The following GRID2IP variants were observed in gnomAD, a reference collection of about 807,000 sequenced individuals.
GRID2IP encodes the protein Grid2 interacting protein, also known as delphilin.
In GRID2IP, 78 loss-of-function variants were observed where a neutral mutation model predicts 114.3. The observed-to-expected ratio is 0.68, with a 90% CI of 0.57 to 0.82. GRID2IP has a LOEUF of 0.82. GRID2IP is among the 40% of genes least tolerant of loss of function. The probability of loss-of-function intolerance (pLI) is 0.00; values close to 1 mark genes in which losing one functional copy is unlikely to be tolerated. For missense variants in GRID2IP, 1,727 were observed against 1,678.5 expected, an observed-to-expected ratio of 1.03 and a Z score of -0.51; for synonymous variants, 809 against 724.0, an observed-to-expected ratio of 1.12 and a Z score of -1.89.
Position 6,519,092 on chromosome 7 carries a change from CT to C in GRID2IP, c.1268+1485del, listed in dbSNP as rs1583343497. Among the ~76,000 whole-genome samples, 1 of 151,788 alleles carries C rather than the reference CT, an allele frequency of 6.6e-6. No individual in the cohort carries two copies. Among genetic ancestry groups the C allele is most frequent in the East Asian group, 2.0e-4 (1 of 5,126 alleles). On this transcript the variant is annotated intron_variant, in intron 7 of 21. Coordinates refer to ENST00000457091, the MANE Select transcript of GRID2IP (RefSeq NM_001145118.2). The surrounding 1 kb of genome is among the most constrained non-coding windows in gnomAD (Gnocchi z 4.1). ...CACCACCATGCCCAGCTAATTTTTT[CT>C]TTTTGTAGAGATGGCTTCTTGCTCT...
At chr7:6,546,275 T>C (rs1266258074) in intron 1 of GRID2IP, among the ~76,000 whole-genome samples, 1 of 150,176 alleles carries the variant, frequency 6.7e-6, no homozygotes, top group Non-Finnish European at 1.5e-5. Flanking sequence ...TTGACCAACA[T>C]GGTGAAACCC....
At chr7:6,529,173 G>GGGC (rs1176391673) in intron 2 of GRID2IP, among the ~76,000 whole-genome samples, 6 of 151,412 alleles carry the variant, frequency 4.0e-5, no homozygotes, top group African/African-American at 1.5e-4. Context: ...CCTGTCGTCC[G>GGGC]GGCGCGGTGG....
At chr7:6,542,044 G>C (rs1583354152) in intron 1 of GRID2IP, among the ~76,000 whole-genome samples, 1 of 152,160 alleles carries the variant, frequency 6.6e-6, no homozygotes, top group Non-Finnish European at 1.5e-5. Context: ...GCTCACACCT[G>C]TAATCCCAGC....
In GRID2IP at chr7:6,523,073, G is replaced by A. The variant is rs1052951722; in HGVS notation, c.920-1116C>T. ...CCTGCCTCAGTCTCCCAAAGTGCTGGGATTACAGGTGTGAGCCACCACGTA... is the reference window on the plus strand; with the variant it reads ...CCTGCCTCAGTCTCCCAAAGTGCTGAGATTACAGGTGTGAGCCACCACGTA... On this transcript the variant is annotated intron_variant, in intron 4 of 21. Transcript: ENST00000457091. The surrounding 1 kb of genome is among the most constrained non-coding windows in gnomAD (Gnocchi z 4.5). 3.3e-5 allele frequency among the ~76,000 whole-genome samples: 5 copies of A among 152,048 alleles called. No individual in the cohort carries two copies. Among genetic ancestry groups the A allele is most frequent in the South Asian group, 2.1e-4 (1 of 4,822 alleles).
intron 14 of GRID2IP, 58 bp from the exon 15 acceptor site, chr7:6,504,928 C>T: frequency 6.9e-7 from 1 of 1,440,214 alleles, no homozygotes; most frequent in Non-Finnish European, 9.6e-7. Context: ...AGTGGGAAGG[C>T]CCAGGGGTGG....
At chr7:6,497,947 G>C (rs1786303670) in intron 21 of GRID2IP, 102 bp from the exon 22 acceptor site, 3 of 1,401,052 alleles carry the variant, frequency 2.1e-6, no homozygotes, top group East Asian at 5.0e-5. Context: ...GGGGGTTAGG[G>C]GGACATGTCG....
intron 7 of GRID2IP, among the ~76,000 whole-genome samples, chr7:6,517,048 G>A (rs1779319500): frequency 6.6e-6 from 1 of 151,088 alleles, no homozygotes; most frequent in Admixed American, 6.6e-5. Flanking sequence ...TCTTTGTCTT[G>A]TGTCTTTCTT....
At position 6,526,011 on chromosome 7, in the gene GRID2IP, C is replaced by T. The variant is rs1285725424; in HGVS notation, c.919+213G>A. 6.6e-6 allele frequency among the ~76,000 whole-genome samples: 1 copy of T among 152,192 alleles called. No individual in the cohort carries two copies. Among genetic ancestry groups the T allele is most frequent in the African/African-American group, 2.4e-5 (1 of 41,446 alleles). ...GGGGTGCCCCAACTCAGGCAGAAGG[C>T]TCTGGCCTCAAGCATCTTAGGTAGG... On this transcript the variant is annotated intron_variant, in intron 4 of 21. Coordinates refer to ENST00000457091, the MANE Select transcript of GRID2IP (RefSeq NM_001145118.2). This position sits in a 1 kb window ranked among gnomAD's most constrained non-coding sequence, Gnocchi z 7.6.
intron 16 of GRID2IP, 63 bp downstream of exon 16, chr7:6,503,428 G>C (rs963054037): frequency 7.1e-5 from 100 of 1,406,490 alleles, no homozygotes; most frequent in Admixed American, 8.2e-5. Flanking sequence ...CAGCAGCCCT[G>C]GCCACAGCGA....
chr7:6,503,819 T>A, intron 15 of GRID2IP, 132 bp from the exon 16 acceptor site: 1 of 618,082 alleles, frequency 1.6e-6, no homozygotes, highest in Non-Finnish European at 2.6e-6. Flanking sequence ...GACGGGGCCT[T>A]GAGGCTGGAA....
chr7:6,551,381 A>T lies in GRID2IP; in HGVS notation c.56T>A (p.Phe19Tyr). ...TNQGWPEDFG[F>Y]RLGGSGPCFV... ...GCAGGGGCCAGAGCCACCTAGCCGG[A>T]AGCCAAAGTCCTCTGGCCAGCCCTG... is the stretch of plus-strand genomic sequence containing the variant. The change falls in exon 1 of 22, where the codon TTC becomes TAC. Residue 19 changes from phenylalanine to tyrosine, a missense_variant. Coordinates refer to ENST00000457091, the MANE Select transcript of GRID2IP (RefSeq NM_001145118.2). 5.8e-6 allele frequency: 9 copies of T among 1,547,940 alleles called. No homozygotes were observed. Among genetic ancestry groups the T allele is most frequent in the Non-Finnish European group, 7.9e-6 (9 of 1,145,796 alleles).
intron 4 of GRID2IP, among the ~76,000 whole-genome samples, chr7:6,525,491 C>T (rs764591534): frequency 2.0e-5 from 3 of 151,920 alleles, no homozygotes; most frequent in South Asian, 2.1e-4. Context: ...GGCATGGTGG[C>T]GTGCGCCTGT....
chr7:6,522,051 C>G (rs1779422763), intron 4 of GRID2IP, 94 bp from the exon 5 acceptor site: 2 of 1,008,946 alleles, frequency 2.0e-6, no homozygotes, highest in African/African-American at 1.6e-5. Flanking sequence ...GAAATGGAGA[C>G]TCAGAGACCC....
At position 6,514,435 on chromosome 7, in the gene GRID2IP, C is replaced by T. The variant is rs1779251048; in HGVS notation, c.1363G>A (p.Glu455Lys). The part of the protein sequence containing the change: ...WQFIYQLLTY[E>K]EQELCQEKIA... ...TTCTCCTGACAGAGCTCCTGCTCCTCATAGGTCAGCAGCTGGTAGATGAAC... is the reference window on the plus strand; with the variant it reads ...TTCTCCTGACAGAGCTCCTGCTCCTTATAGGTCAGCAGCTGGTAGATGAAC... The change falls in exon 8 of 22, where the codon GAG (glutamate) becomes AAG (lysine). Residue 455 changes from glutamate (E) to lysine (K), a missense_variant. By Grantham distance (56) the Glu-to-Lys change is moderately conservative (BLOSUM62 1). Transcript: ENST00000457091. 6.5e-7 allele frequency: 1 copy of T among 1,549,700 alleles called. No individual in the cohort carries two copies. Among genetic ancestry groups the T allele is most frequent in the African/African-American group, 1.4e-5 (1 of 73,018 alleles).
Position 6,551,335 on chromosome 7 carries a change from C to T in GRID2IP, c.102G>A (p.Lys34=), listed in dbSNP as rs914349575. ...SGPCFVLEVA[K]GSSAHAGGLR... The stretch of plus-strand genomic sequence containing the variant: ...GTCCTCCGGCATGCGCGCTGCTCCC[C>T]TTGGCCACCTCCAGGACGAAGCAGG... Residue 34 remains lysine (K), a synonymous_variant, in exon 1 of 22, where the codon AAG becomes AAA. Transcript: ENST00000457091. 1.3e-6 allele frequency: 2 copies of T among 1,548,260 alleles called. No homozygotes were observed. Among genetic ancestry groups the T allele is most frequent in the East Asian group, 2.4e-5 (1 of 40,878 alleles).
chr7:6,526,545 AG>A lies in GRID2IP; in HGVS notation c.808del (p.Leu270SerfsTer60). On this transcript the variant is annotated frameshift_variant, in exon 3 of 22. Coordinates refer to ENST00000457091, the MANE Select transcript of GRID2IP (RefSeq NM_001145118.2). LOFTEE classifies it high-confidence loss of function. The surrounding 1 kb of genome is among the most constrained non-coding windows in gnomAD (Gnocchi z 7.6). ...PRRASLLVGG[L>X]AGPGGARRTV... Reference sequence around the variant, plus strand: ...CCTGCGCGCGCCCCCGGGGCCGGCGAGGCCGCCCACCAGCAAGGAGGCCCTG... The same window carrying A: ...CCTGCGCGCGCCCCCGGGGCCGGCGAGCCGCCCACCAGCAAGGAGGCCCTG... 1 of 1,224,208 alleles carries A rather than the reference AG, an allele frequency of 8.2e-7. No homozygotes were observed. Among genetic ancestry groups the A allele is most frequent in the Non-Finnish European group, 1.0e-6 (1 of 983,036 alleles). 75.8% of individuals were successfully genotyped at this position (1,224,208 alleles called of 1,614,324 possible).
rs776424201 is a variant in GRID2IP at position 6,551,417 on chromosome 7, G to T, written c.20C>A (p.Pro7Gln). The change falls in exon 1 of 22, where the codon CCG becomes CAG. Residue 7 changes from proline (P) to glutamine (Q), a missense_variant. By Grantham distance (76) the Pro-to-Gln change is moderately conservative. Transcript: ENST00000457091. ...CTCTGGCCAGCCCTGGTTCGTGGCC[G>T]GCGTGGCAGTGGTGGCCATGCACCT... Reference protein sequence around the residue: MATTATPATNQGWPEDF... With the variant: MATTATQATNQGWPEDF... The T allele has an allele frequency of 3.2e-6, 5 of 1,544,454 alleles. No homozygotes were observed. The South Asian group carries it at 4.8e-5, about 15-fold the overall frequency.
chr7:6,544,766 C>T (rs1036706514), intron 1 of GRID2IP, among the ~76,000 whole-genome samples: 5 of 151,980 alleles, frequency 3.3e-5, no homozygotes, highest in African/African-American at 1.2e-4. Context: ...GCCTGGGCAA[C>T]ATAACCAGAC....
At position 6,513,250 on chromosome 7, in the gene GRID2IP, C is replaced by CT. The variant is rs934037162; in HGVS notation, c.1423+1124dup. Among the ~76,000 whole-genome samples, 158 of 146,044 alleles carry CT rather than the reference C, an allele frequency of 1.1e-3. 1 individual carries two copies. Among genetic ancestry groups the CT allele is most frequent in the African/African-American group, 1.2e-3 (48 of 40,096 alleles). The stretch of plus-strand genomic sequence containing the variant: ...TCTTTCTTTTTTCTTTTTTTCTTTC[C>CT]TTTTTTTTTTTCTGGAGGCAGTAGC... On this transcript the variant is annotated intron_variant, in intron 8 of 21. Transcript: ENST00000457091.
Sources: allele counts gnomAD v4.1 joint callset (sites outside exome capture counted in the v4.1 genomes callset), GRCh38; gene constraint gnomAD v4.1.1; non-coding constraint Gnocchi (gnomAD v3.1); transcripts MANE v1.5; gene names NCBI Gene and HGNC (gene_info 2026-07-23, HGNC 2026-07-21).